DSCAML1: variants seen among roughly 807,000 people sequenced by gnomAD.
The protein encoded by DSCAML1 is cell adhesion molecule DSCAML1.
DSCAML1 carries 38 observed loss-of-function variants against 200.5 expected under a neutral mutation model. The ratio of observed to expected loss-of-function variants is 0.19; its 90% CI spans 0.15 to 0.25. DSCAML1 has a LOEUF of 0.25. Among genes scored for constraint, DSCAML1 ranks in the 10% least tolerant of loss-of-function variants. DSCAML1 has a pLI of 1.00. For missense variants in DSCAML1, 2,223 were observed against 2,858.8 expected, an observed-to-expected ratio of 0.78 and a Z score of 5.07; for synonymous variants, 1,215 against 1,165.0, an observed-to-expected ratio of 1.04 and a Z score of -0.87.
At chr11:117,523,547 A>G (rs888411876) in intron 5 of DSCAML1, among the ~76,000 whole-genome samples, 5 of 152,102 alleles carry the variant, frequency 3.3e-5, no homozygotes, top group African/African-American at 9.7e-5. Context: ...CCACCTTGAC[A>G]GTGAATTTGT....
intron 3 of DSCAML1, among the ~76,000 whole-genome samples, chr11:117,624,553 G>A (rs1161807976): frequency 1.3e-5 from 2 of 152,074 alleles, no homozygotes. Flanking sequence ...TTGAGTATGG[G>A]TGAGATAGTC....
At chr11:117,786,670 A>T (rs967675999) in intron 1 of DSCAML1, among the ~76,000 whole-genome samples, 1 of 152,074 alleles carries the variant, frequency 6.6e-6, no homozygotes, top group Non-Finnish European at 1.5e-5. Flanking sequence ...AATTACCCCC[A>T]TGTCATCATC....
chr11:117,641,688 A>C (rs528595757), intron 3 of DSCAML1, among the ~76,000 whole-genome samples: 1 of 152,124 alleles, frequency 6.6e-6, no homozygotes, highest in South Asian at 2.1e-4. Context: ...GCTGGGGAGC[A>C]CTCACAACTG....
At chr11:117,502,204 T>A (rs2049407802) in intron 11 of DSCAML1, among the ~76,000 whole-genome samples, 1 of 152,088 alleles carries the variant, frequency 6.6e-6, no homozygotes, top group Non-Finnish European at 1.5e-5. Flanking sequence ...TGGGGTCCCC[T>A]CACACACAGC....
chr11:117,704,159 G>A (rs919031565), intron 3 of DSCAML1, among the ~76,000 whole-genome samples: 13 of 150,848 alleles, frequency 8.6e-5, no homozygotes, highest in South Asian at 2.1e-4. Context: ...GAGGAAGGGC[G>A]GGAAGGAAGG....
At chr11:117,626,217 T>G in intron 3 of DSCAML1, among the ~76,000 whole-genome samples, 1 of 136,304 alleles carries the variant, frequency 7.3e-6, no homozygotes, top group East Asian at 2.6e-4. Context: ...CCCTCCTTCT[T>G]CTGGCATGAG....
intron 3 of DSCAML1, among the ~76,000 whole-genome samples, chr11:117,748,398 C>T (rs2054551141): frequency 6.6e-6 from 1 of 152,202 alleles, no homozygotes; most frequent in African/African-American, 2.4e-5. Context: ...ATACAATAAG[C>T]CTGCTCCCTC....
At chr11:117,571,951 A>G (rs548029232) in intron 3 of DSCAML1, among the ~76,000 whole-genome samples, 1 of 152,332 alleles carries the variant, frequency 6.6e-6, no homozygotes, top group East Asian at 1.9e-4. Flanking sequence ...ACCAGCGCCA[A>G]TACAGTTTCC....
intron 3 of DSCAML1, among the ~76,000 whole-genome samples, chr11:117,732,935 C>G (rs1245767465): frequency 6.6e-6 from 1 of 152,108 alleles, no homozygotes; most frequent in Non-Finnish European, 1.5e-5. Context: ...AACATGCACC[C>G]AGCACTGCCC....
chr11:117,545,444 G>C (rs1482331377), intron 3 of DSCAML1, among the ~76,000 whole-genome samples: 1 of 152,196 alleles, frequency 6.6e-6, no homozygotes, highest in Non-Finnish European at 1.5e-5. Context: ...CTGTGGTATT[G>C]TGTTATGGCA....
chr11:117,681,252 T>C (rs965375765), intron 3 of DSCAML1, among the ~76,000 whole-genome samples: 3 of 152,088 alleles, frequency 2.0e-5, no homozygotes, highest in Non-Finnish European at 2.9e-5. Flanking sequence ...CCTAGTGTGG[T>C]CCCTGAGCCA....
At chr11:117,439,083 C>T in intron 23 of DSCAML1, 100 bp from the exon 24 acceptor site, 3 of 1,340,900 alleles carry the variant, frequency 2.2e-6, no homozygotes, top group Non-Finnish European at 3.1e-6. Flanking sequence ...CTCCCACACC[C>T]TCACTCCCAC....
intron 8 of DSCAML1, among the ~76,000 whole-genome samples, chr11:117,511,146 G>C (rs1299243213): frequency 6.6e-6 from 1 of 152,172 alleles, no homozygotes; most frequent in African/African-American, 2.4e-5. Flanking sequence ...CTGAAGCTCA[G>C]CATTGAACAG....
chr11:117,774,257 G>A (rs1265779866), intron 3 of DSCAML1, among the ~76,000 whole-genome samples: 1 of 152,190 alleles, frequency 6.6e-6, no homozygotes, highest in Non-Finnish European at 1.5e-5. Context: ...GCAGAAAGTG[G>A]AGATGTGTGG....
At chr11:117,568,332 C>G (rs977953177) in intron 3 of DSCAML1, among the ~76,000 whole-genome samples, 1 of 152,128 alleles carries the variant, frequency 6.6e-6, no homozygotes, top group African/African-American at 2.4e-5. Context: ...GATGCCCTCT[C>G]TCACCACTCC....
At chr11:117,471,456 G>A (rs1014401612) in intron 15 of DSCAML1, among the ~76,000 whole-genome samples, 9 of 152,208 alleles carry the variant, frequency 5.9e-5, no homozygotes, top group Admixed American at 2.0e-4. Context: ...ACAGGCATAA[G>A]CCACCACTCT....
At chr11:117,640,348 T>C (rs1406920901) in intron 3 of DSCAML1, among the ~76,000 whole-genome samples, 3 of 152,160 alleles carry the variant, frequency 2.0e-5, no homozygotes, top group Non-Finnish European at 4.4e-5. Flanking sequence ...CCCTGACCTA[T>C]GTGACCTGCT....
intron 3 of DSCAML1, among the ~76,000 whole-genome samples, chr11:117,626,199 A>ACC (rs758854447): frequency 1.8e-4 from 23 of 129,784 alleles, no homozygotes; most frequent in East Asian, 1.4e-3. Flanking sequence ...TCTTGCTGAG[A>ACC]CCCCCCCCCC....
chr11:117,514,578 T>TC (rs2049717552), intron 8 of DSCAML1, among the ~76,000 whole-genome samples: 1 of 53,146 alleles, frequency 1.9e-5, no homozygotes, highest in Admixed American at 1.5e-4. Flanking sequence ...TTTTCTTTTT[T>TC]TTTTTTTTTT....
Sources: gnomAD v4.1 joint callset for allele counts (sites outside exome capture counted in the v4.1 genomes callset) on GRCh38, gnomAD v4.1.1 for gene constraint, MANE v1.5 for transcripts, NCBI Gene and HGNC (gene_info 2026-07-23, HGNC 2026-07-21) for gene names.